Variants in PLBD1 observed in about 807,000 individuals in gnomAD.
PLBD1 encodes the protein phospholipase B domain containing 1, also known as lysosomal leucine aminopeptidase.
Under a neutral mutation model 63.0 loss-of-function variants are expected in PLBD1, and 60 were observed. The ratio of observed to expected loss-of-function variants is 0.95; its 90% CI spans 0.77 to 1.18. The LOEUF (loss-of-function observed/expected upper bound fraction) is 1.18. Ranked by LOEUF, PLBD1 falls within the 50% of genes most tolerant of loss-of-function variation. PLBD1 has a pLI of 0.00. For synonymous variants in PLBD1, 262 were observed against 248.0 expected (o/e 1.06, Z -0.53); for missense variants, 598 against 677.9 (o/e 0.88, Z 1.31).
rs111663606 is a variant in PLBD1 at position 14,506,868 on chromosome 12, G to T, written c.1372+65C>A. 32 of 1,427,370 alleles carry T rather than the reference G, an allele frequency of 2.2e-5. 1 individual carries two copies. Among genetic ancestry groups the T allele is most frequent in the African/African-American group, 2.0e-4 (14 of 71,108 alleles). The allele number at this position is 1,427,370 out of a possible 1,614,324, so 88.4% of individuals were successfully genotyped here. Reference sequence around the variant, plus strand: ...AGTACAGAGATGATAAACTTACATGGATTCTGTATCCATAGGGAAGAAAAG... The same window carrying T: ...AGTACAGAGATGATAAACTTACATGTATTCTGTATCCATAGGGAAGAAAAG... On this transcript the variant is annotated intron_variant, in intron 9 of 10. Transcript: ENST00000240617.
chr12:14,503,944 A>G lies in PLBD1; in HGVS notation c.1490T>C (p.Ile497Thr), dbSNP rs147641578. 3.3e-5 allele frequency: 52 copies of G among 1,597,424 alleles called. No individual in the cohort carries two copies. The highest frequency in any genetic ancestry group is 4.4e-5 in the Non-Finnish European group (52 of 1,170,606). ...GGCYDTKVAD[I>T]YLASQYTSYA... ...GGATGTGTACTGAGATGCTAGGTAGATATCTGCCACCTGGAAAGAGGGAGG... is the reference window on the plus strand; with the variant it reads ...GGATGTGTACTGAGATGCTAGGTAGGTATCTGCCACCTGGAAAGAGGGAGG... Residue 497 changes from isoleucine (I) to threonine (T), a missense_variant, in exon 11 of 11, where the codon ATC becomes ACC. Ile to Thr is a moderately conservative substitution (Grantham distance 89). Coordinates refer to ENST00000240617, the MANE Select transcript of PLBD1 (RefSeq NM_024829.6).
intron 2 of PLBD1, among the ~76,000 whole-genome samples, chr12:14,548,386 G>A (rs200736542): frequency 6.7e-6 from 1 of 149,636 alleles, no homozygotes; most frequent in Non-Finnish European, 1.5e-5. Flanking sequence ...GAACCTGGGA[G>A]GCAGAGGTTG....
chr12:14,552,453 C>T (rs544167246), intron 2 of PLBD1, among the ~76,000 whole-genome samples: 7 of 152,312 alleles, frequency 4.6e-5, no homozygotes, highest in Non-Finnish European at 8.8e-5. Context: ...CCACATGGAG[C>T]TATTGTTTCA....
chr12:14,538,186 A>ATTAT (rs1277260557), intron 4 of PLBD1, among the ~76,000 whole-genome samples: 10 of 151,002 alleles, frequency 6.6e-5, no homozygotes, highest in African/African-American at 2.2e-4. Context: ...TTTTTTAATT[A>ATTAT]TTATTTATTT....
intron 3 of PLBD1, among the ~76,000 whole-genome samples, chr12:14,541,638 G>A (rs1254384853): frequency 6.6e-6 from 1 of 152,164 alleles, no homozygotes; most frequent in Non-Finnish European, 1.5e-5. Context: ...AGCATTTCAT[G>A]AAGAGGTTGC....
intron 1 of PLBD1, among the ~76,000 whole-genome samples, chr12:14,565,689 G>A (rs142086881): frequency 8.7e-4 from 132 of 152,144 alleles, no homozygotes; most frequent in African/African-American, 3.0e-3. Context: ...TTGGTTGTTC[G>A]CAGGCTAGTA....
chr12:14,532,992 A>C (rs1040243305), intron 6 of PLBD1: 6 of 152,088 alleles, frequency 3.9e-5, no homozygotes, highest in African/African-American at 1.4e-4. Flanking sequence ...TATACTTTTG[A>C]CCTTCCCTGG....
intron 6 of PLBD1, among the ~76,000 whole-genome samples, chr12:14,524,610 T>A (rs1260752768): frequency 6.6e-6 from 1 of 152,168 alleles, no homozygotes; most frequent in Admixed American, 6.5e-5. Context: ...GTTCTTGCCA[T>A]AAGGAACTGA....
Position 14,553,193 on chromosome 12 carries a change from G to T in PLBD1, c.335C>A (p.Pro112Gln). 1.2e-6 allele frequency: 2 copies of T among 1,607,120 alleles called. No homozygotes were observed. The highest frequency in any genetic ancestry group is 1.7e-6 in the Non-Finnish European group (2 of 1,176,944). ...AGFLEGYLTAPHMNDHYTNLY... is the reference protein window; with the variant it reads ...AGFLEGYLTAQHMNDHYTNLY... ...GCTCTACCATGACTGGGATACTTAC[G>T]GGGCAGTGAGGTAACCCTCCAAAAA... The change falls in exon 2 of 11, where the codon CCA becomes CAA. Residue 112 changes from proline (P) to glutamine (Q), a missense_variant and splice_region_variant. By Grantham distance (76) the Pro-to-Gln change is moderately conservative (BLOSUM62 -1). Coordinates refer to ENST00000240617, the MANE Select transcript of PLBD1 (RefSeq NM_024829.6).
chr12:14,517,603 T>C (rs1052049964), intron 6 of PLBD1, among the ~76,000 whole-genome samples: 1 of 152,244 alleles, frequency 6.6e-6, no homozygotes, highest in Admixed American at 6.5e-5. Context: ...TTAACTTCTC[T>C]GAACTGTTTA....
chr12:14,555,294 T>G (rs1229995905), intron 1 of PLBD1, among the ~76,000 whole-genome samples: 1 of 152,162 alleles, frequency 6.6e-6, no homozygotes, highest in Non-Finnish European at 1.5e-5. Flanking sequence ...TCCCAGCACT[T>G]TGGGAGACCA....
At chr12:14,536,461 G>T in intron 5 of PLBD1, 109 bp downstream of exon 5, 1 of 1,196,368 alleles carries the variant, frequency 8.4e-7, no homozygotes, top group Non-Finnish European at 1.2e-6. Context: ...GAACTCATGA[G>T]CTGATATACA....
chr12:14,531,199 T>G (rs905928071), intron 6 of PLBD1: 2 of 152,244 alleles, frequency 1.3e-5, no homozygotes, highest in African/African-American at 4.8e-5. Flanking sequence ...GAAGATTTGT[T>G]ACAGTATCCA....
Position 14,553,385 on chromosome 12 carries a change from A to G in PLBD1, c.143T>C (p.Met48Thr). 1 of 1,614,192 alleles carries G rather than the reference A, an allele frequency of 6.2e-7. No homozygotes were observed. The highest frequency in any genetic ancestry group is 8.5e-7 in the Non-Finnish European group (1 of 1,180,016). ...GACTTGTACTGTCTTTTCAGCAGGCATCCAGTATGCAGTTGCATAGTAGAC... is the reference window on the plus strand; with the variant it reads ...GACTTGTACTGTCTTTTCAGCAGGCGTCCAGTATGCAGTTGCATAGTAGAC... ...AGVYYATAYWMPAEKTVQVKN... is the reference protein window; with the variant it reads ...AGVYYATAYWTPAEKTVQVKN... Residue 48 changes from methionine to threonine, a missense_variant, in exon 2 of 11, where the codon ATG (methionine) becomes ACG (threonine). Coordinates refer to ENST00000240617, the MANE Select transcript of PLBD1 (RefSeq NM_024829.6).
chr12:14,526,923 G>C (rs1191677003), intron 6 of PLBD1, among the ~76,000 whole-genome samples: 2 of 152,196 alleles, frequency 1.3e-5, no homozygotes, highest in African/African-American at 2.4e-5. Context: ...AGTGAGCTAA[G>C]ATTGCACCAT....
chr12:14,532,441 G>A (rs957361003), intron 6 of PLBD1, among the ~76,000 whole-genome samples: 2 of 152,196 alleles, frequency 1.3e-5, no homozygotes, highest in Admixed American at 6.5e-5. Flanking sequence ...GCTGAAACCC[G>A]AGGGTAAGAG....
At chr12:14,537,300 A>C (rs957353591) in intron 4 of PLBD1, among the ~76,000 whole-genome samples, 5 of 152,206 alleles carry the variant, frequency 3.3e-5, no homozygotes, top group African/African-American at 1.2e-4. Flanking sequence ...AGTGCTTCTC[A>C]ACCTTGGCAC....
At chr12:14,514,074 C>G (rs532508257) in intron 6 of PLBD1, among the ~76,000 whole-genome samples, 1 of 152,082 alleles carries the variant, frequency 6.6e-6, no homozygotes, top group Admixed American at 6.5e-5. Context: ...CCACCGTGCC[C>G]GGCCCCAACT....
At chr12:14,508,383 GATT>G (rs1214405399) in intron 8 of PLBD1, among the ~76,000 whole-genome samples, 1 of 152,194 alleles carries the variant, frequency 6.6e-6, no homozygotes, top group East Asian at 1.9e-4. Flanking sequence ...GTAAACATTA[GATT>G]ATTATATTTC....
Sources: allele counts gnomAD v4.1 joint callset (sites outside exome capture counted in the v4.1 genomes callset), GRCh38; gene constraint gnomAD v4.1.1; transcripts MANE v1.5; gene names NCBI Gene and HGNC (gene_info 2026-07-23, HGNC 2026-07-21).